ERI3: variants seen among roughly 807,000 people sequenced by gnomAD.
ERI3 encodes ERI1 exoribonuclease family member 3.
Under a neutral mutation model 44.4 loss-of-function variants are expected in ERI3, and 18 were observed. The ratio of observed to expected loss-of-function variants is 0.41; its 90% CI spans 0.28 to 0.60. The LOEUF (loss-of-function observed/expected upper bound fraction) is 0.60. ERI3 is among the 20% of genes least tolerant of loss of function. The pLI, the probability that ERI3 is intolerant of heterozygous loss-of-function variation, is 0.36. For synonymous variants in ERI3, 183 were observed against 164.8 expected (o/e 1.11, Z -0.84); for missense variants, 294 against 435.5 (o/e 0.68, Z 2.89).
intron 3 of ERI3, 118 bp from the exon 4 acceptor site, chr1:44,319,862 T>C (rs1646164726): frequency 1.3e-6 from 1 of 763,746 alleles, no homozygotes; most frequent in South Asian, 1.7e-5. Flanking sequence ...TTGGGTTCAT[T>C]AGCTCCTGCC....
In ERI3 at chr1:44,252,262, G is replaced by C. The variant is rs189052050; in HGVS notation, c.832-4224C>G. ...CCTCAGCCCTGTGCCAGGCAGGCAC[G>C]CACACACGCTTCCCTTCCCCTGGGC... On this transcript the variant is annotated intron_variant, in intron 7 of 8. Coordinates refer to ENST00000372257, the MANE Select transcript of ERI3 (RefSeq NM_024066.3). The surrounding 1 kb of genome is among the most constrained non-coding windows in gnomAD (Gnocchi z 4.7). Among the ~76,000 whole-genome samples the C allele has an allele frequency of 1.3e-5, 2 of 152,240 alleles. No homozygotes were observed. The highest frequency in any genetic ancestry group is 1.9e-4 in the East Asian group (1 of 5,196).
At chr1:44,335,627 C>T (rs914450470) in intron 3 of ERI3, among the ~76,000 whole-genome samples, 1 of 151,654 alleles carries the variant, frequency 6.6e-6, no homozygotes, top group Non-Finnish European at 1.5e-5. Context: ...GGCATGGTGG[C>T]GCATGCCTGT....
chr1:44,227,851 T>C (rs1302175822), intron 8 of ERI3, among the ~76,000 whole-genome samples: 1 of 152,128 alleles, frequency 6.6e-6, no homozygotes, highest in Non-Finnish European at 1.5e-5. Flanking sequence ...CTTATCTTTG[T>C]TTTGGTTTCT....
chr1:44,246,527 A>G (rs1021475891), intron 8 of ERI3, among the ~76,000 whole-genome samples: 2 of 152,224 alleles, frequency 1.3e-5, no homozygotes, highest in African/African-American at 4.8e-5. Context: ...TCTTAGCCTG[A>G]GCCCTGGGAA....
In ERI3 at chr1:44,339,295, A is replaced by G. The variant is rs1420606364; in HGVS notation, c.239T>C (p.Leu80Pro). Residue 80 changes from leucine (L) to proline (P), a missense_variant, in exon 3 of 9, where the codon CTA becomes CCA. Coordinates refer to ENST00000372257, the MANE Select transcript of ERI3 (RefSeq NM_024066.3). ...RVLDASGCSM[L>P]APLQTGAARF... is the part of the protein sequence containing the mutation. ...AGCTGCTCCAGTCTGTAAAGGTGCTAGCATTGAACATCCAGAAGCATCTAA... is the reference window on the plus strand; with the variant it reads ...AGCTGCTCCAGTCTGTAAAGGTGCTGGCATTGAACATCCAGAAGCATCTAA... The G allele has an allele frequency of 6.2e-7, 1 of 1,601,922 alleles. No individual in the cohort carries two copies. Among genetic ancestry groups the G allele is most frequent in the Non-Finnish European group, 8.5e-7 (1 of 1,172,810 alleles).
At chr1:44,239,627 G>C (rs1006781386) in intron 8 of ERI3, among the ~76,000 whole-genome samples, 1 of 152,228 alleles carries the variant, frequency 6.6e-6, no homozygotes, top group Non-Finnish European at 1.5e-5. Context: ...CCTCTTGCCA[G>C]ATGTTCCCTC....
chr1:44,344,307 T>C (rs1046523069), intron 2 of ERI3, among the ~76,000 whole-genome samples: 2 of 152,144 alleles, frequency 1.3e-5, no homozygotes, highest in African/African-American at 4.8e-5. Context: ...ATGTGCAATG[T>C]GGTTACAATT....
chr1:44,335,519 G>A (rs1367348554), intron 3 of ERI3, among the ~76,000 whole-genome samples: 4 of 152,074 alleles, frequency 2.6e-5, no homozygotes, highest in African/African-American at 7.2e-5. Context: ...CAGAACTTTG[G>A]GAGGCTGAGG....
intron 4 of ERI3, among the ~76,000 whole-genome samples, chr1:44,316,150 T>G (rs995769484): frequency 2.6e-5 from 4 of 152,176 alleles, no homozygotes; most frequent in African/African-American, 9.7e-5. Flanking sequence ...ATGTTACAGT[T>G]TAAGCCCAGT....
chr1:44,271,788 G>A (rs529670380), intron 7 of ERI3, among the ~76,000 whole-genome samples: 1 of 152,346 alleles, frequency 6.6e-6, no homozygotes, highest in South Asian at 2.1e-4. Context: ...GATAAGGCCA[G>A]GAATTGACCT....
intron 8 of ERI3, chr1:44,242,032 GAGCCAGCAC>G: frequency 2.0e-6 from 2 of 985,674 alleles, no homozygotes; most frequent in Non-Finnish European, 2.4e-6. Flanking sequence ...AGGAAGGAAG[GAGCCAGCAC>G]CCTCTCCCCA....
intron 2 of ERI3, 101 bp downstream of exon 2, chr1:44,352,749 G>GA (rs1319383191): frequency 5.5e-5 from 72 of 1,317,062 alleles, no homozygotes; most frequent in East Asian, 4.2e-4. Context: ...GGATACATGG[G>GA]AAAAAAAATA....
intron 6 of ERI3, among the ~76,000 whole-genome samples, chr1:44,304,254 C>A (rs1439282777): frequency 2.0e-5 from 3 of 151,958 alleles, no homozygotes; most frequent in Non-Finnish European, 4.4e-5. Flanking sequence ...CATCAGCATA[C>A]AGAGGATAGT....
rs113468930 is a variant in ERI3 at position 44,336,117 on chromosome 1, T to C, written c.489+2928A>G. Among the ~76,000 whole-genome samples the C allele has an allele frequency of 7.9e-5, 12 of 152,322 alleles. 1 individual carries two copies. Among genetic ancestry groups the C allele is most frequent in the African/African-American group, 2.9e-4 (12 of 41,570 alleles). ...GTTCTATTTTTGTGCCTCTAATGAT[T>C]TGTGGTCCAATTCCTGAGCTTTTCC... On this transcript the variant is annotated intron_variant, in intron 3 of 8. Transcript: ENST00000372257.
chr1:44,248,698 A>AGTGTGT (rs1245604411), intron 7 of ERI3, among the ~76,000 whole-genome samples: 6 of 112,206 alleles, frequency 5.3e-5, no homozygotes, highest in African/African-American at 8.8e-5. Flanking sequence ...TGTGTGTGAG[A>AGTGTGT]GAGAGTGTGT....
chr1:44,231,980 AG>A (rs1644195703), intron 8 of ERI3, among the ~76,000 whole-genome samples: 1 of 152,228 alleles, frequency 6.6e-6, no homozygotes, highest in South Asian at 2.1e-4. Context: ...GAGGGGAGTT[AG>A]CCTATGAAGA....
intron 8 of ERI3, among the ~76,000 whole-genome samples, chr1:44,233,497 G>A (rs867961863): frequency 5.1e-4 from 77 of 150,860 alleles, no homozygotes; most frequent in African/African-American, 1.8e-3. Flanking sequence ...TCTGCCTCCC[G>A]GGTTCAAGCG....
intron 2 of ERI3, among the ~76,000 whole-genome samples, chr1:44,339,953 G>A (rs182814245): frequency 6.6e-6 from 1 of 152,158 alleles, no homozygotes; most frequent in Non-Finnish European, 1.5e-5. Context: ...GTGGCACCCT[G>A]GGGGAATGAA....
Position 44,304,900 on chromosome 1 carries a change from T to C in ERI3, c.758+3410A>G, listed in dbSNP as rs77285567. ...AAAAAAGGAAGTCAAATGCCTGCAT[T>C]TATGTGTTCAACCTCTCTCCTCCCT... On this transcript the variant is annotated intron_variant, in intron 6 of 8. Coordinates refer to ENST00000372257, the MANE Select transcript of ERI3 (RefSeq NM_024066.3). Among the ~76,000 whole-genome samples the C allele has an allele frequency of 4.6e-5, 7 of 152,230 alleles. No homozygotes were observed. In the East Asian group the frequency reaches 9.7e-4, roughly 21 times the overall value.
Sources: allele counts gnomAD v4.1 joint callset (sites outside exome capture counted in the v4.1 genomes callset), GRCh38; gene constraint gnomAD v4.1.1; non-coding constraint Gnocchi (gnomAD v3.1); transcripts MANE v1.5; gene names NCBI Gene and HGNC (gene_info 2026-07-23, HGNC 2026-07-21).